Variants in AKR1B1 observed in about 807,000 individuals in gnomAD.
AKR1B1 encodes the protein aldo-keto reductase family 1 member B1.
AKR1B1 carries 22 observed loss-of-function variants against 40.4 expected under a neutral mutation model. The ratio of observed to expected loss-of-function variants is 0.54; its 90% CI spans 0.39 to 0.78. The LOEUF is 0.78. Among genes scored for constraint, AKR1B1 ranks in the 30% least tolerant of loss-of-function variants. The pLI is 0.00. For missense variants in AKR1B1, 357 were observed against 396.7 expected (o/e 0.90, Z 0.85); for synonymous variants, 157 against 149.9 (o/e 1.05, Z -0.35).
At chr7:134,453,212 A>C (rs1401741208) in intron 1 of AKR1B1, among the ~76,000 whole-genome samples, 1 of 152,084 alleles carries the variant, frequency 6.6e-6, no homozygotes, top group Non-Finnish European at 1.5e-5. Context: ...TGGCGCCTTG[A>C]TTGATTTTTC....
intron 9 of AKR1B1, 60 bp downstream of exon 9, chr7:134,445,178 C>T: frequency 6.9e-7 from 1 of 1,446,880 alleles, no homozygotes; most frequent in Non-Finnish European, 9.6e-7. Flanking sequence ...GGATCACTCT[C>T]TTGCTGTGCA....
intron 1 of AKR1B1, among the ~76,000 whole-genome samples, chr7:134,457,316 A>C (rs17188118): frequency 0.066 from 10,002 of 152,250 alleles, 460 homozygotes; most frequent in Non-Finnish European, 0.11. Context: ...TTCCAGTTAC[A>C]TGTATATATC....
At chr7:134,453,142 G>T (rs1806343266) in intron 1 of AKR1B1, among the ~76,000 whole-genome samples, 1 of 152,160 alleles carries the variant, frequency 6.6e-6, no homozygotes. Flanking sequence ...ACCCCAGAAA[G>T]AACAACTGGG....
At chr7:134,448,575 T>A in intron 5 of AKR1B1, 82 bp from the exon 6 acceptor site, 4 of 1,050,098 alleles carry the variant, frequency 3.8e-6, no homozygotes, top group Non-Finnish European at 5.9e-6. Context: ...TATGCTAAAG[T>A]CCCTCCCTAC....
intron 1 of AKR1B1, among the ~76,000 whole-genome samples, chr7:134,456,194 GGTTTTTTTGTTTGGTT>G (rs1806466041): frequency 6.6e-6 from 1 of 152,066 alleles, no homozygotes; most frequent in Non-Finnish European, 1.5e-5. Flanking sequence ...ACAAGGGAAA[GGTTTTTTTGTTTGGTT>G]GTTTTTTTAG....
chr7:134,451,479 C>T, intron 2 of AKR1B1, 107 bp downstream of exon 2: 1 of 1,371,894 alleles, frequency 7.3e-7, no homozygotes, highest in Non-Finnish European at 1.0e-6. Flanking sequence ...GAAGAATCGC[C>T]CATCAGTGAA....
At chr7:134,457,135 CA>C (rs11417418) in intron 1 of AKR1B1, among the ~76,000 whole-genome samples, 8,248 of 137,892 alleles carry the variant, frequency 0.06, 288 homozygotes, top group Middle Eastern at 0.1. Context: ...GCCCCTGTCT[CA>C]AAAAAAAAAA....
At position 134,443,517 on chromosome 7, in the gene AKR1B1, G is replaced by A. The variant is rs576446764; in HGVS notation, c.909-747C>T. 2.1e-4 allele frequency among the ~76,000 whole-genome samples: 32 copies of A among 152,248 alleles called. No individual in the cohort carries two copies. The South Asian group carries it at 5.4e-3, about 26-fold the overall frequency. On this transcript the variant is annotated intron_variant, in intron 9 of 9. Coordinates refer to ENST00000285930, the MANE Select transcript of AKR1B1 (RefSeq NM_001628.4). The stretch of plus-strand genomic sequence containing the variant: ...ACAGAGGGAGCCTCCTTGTATCAGT[G>A]GGGGCTGAAGTGAGCCCAATCAACG...
intron 1 of AKR1B1, 119 bp from the exon 2 acceptor site, chr7:134,451,872 C>A: frequency 1.8e-6 from 2 of 1,088,498 alleles, no homozygotes; most frequent in Non-Finnish European, 2.7e-6. Flanking sequence ...CAAAGACAGA[C>A]CACGTGCACT....
In AKR1B1 at chr7:134,458,068, T is replaced by C. The variant is rs952299295; in HGVS notation, c.66+929A>G. 3.0e-4 allele frequency among the ~76,000 whole-genome samples: 46 copies of C among 152,240 alleles called. 1 individual carries two copies. Among genetic ancestry groups the C allele is most frequent in the Admixed American group, 3.0e-3 (46 of 15,286 alleles). ...GGCTGTGGAATATAATATGCAATAC[T>C]TAGAAGGTTAAAAATTCTAGGTTTT... is the stretch of plus-strand genomic sequence containing the variant. On this transcript the variant is annotated intron_variant, in intron 1 of 9. Transcript: ENST00000285930.
intron 1 of AKR1B1, 45 bp from the exon 2 acceptor site, chr7:134,451,798 A>G (rs915804648): frequency 1.2e-6 from 2 of 1,600,204 alleles, no homozygotes; most frequent in Non-Finnish European, 1.7e-6. Flanking sequence ...CAGAGTCTGC[A>G]CAGCAAGGAG....
At position 134,447,342 on chromosome 7, in the gene AKR1B1, TCAC is replaced by T; in HGVS notation, c.778_780del (p.Val260del). On this transcript the variant is annotated inframe_deletion, in exon 8 of 10. Coordinates refer to ENST00000285930, the MANE Select transcript of AKR1B1 (RefSeq NM_001628.4). ...CGTTCTGGTGTCACAGACTTGGGGATCACCACCAAGTTCCTCTGCATGGGGAAC... is the reference window on the plus strand; with the variant it reads ...CGTTCTGGTGTCACAGACTTGGGGATCACCAAGTTCCTCTGCATGGGGAAC... 1 of 1,614,072 alleles carries T rather than the reference TCAC, an allele frequency of 6.2e-7. No homozygotes were observed. Among genetic ancestry groups the T allele is most frequent in the East Asian group, 2.2e-5 (1 of 44,866 alleles).
rs190086972 is a variant in AKR1B1, at chr7:134,454,341, G to A, written c.67-2588C>T. Among the ~76,000 whole-genome samples the A allele has an allele frequency of 1.6e-3, 236 of 152,252 alleles. 1 individual carries two copies. Among genetic ancestry groups the A allele is most frequent in the African/African-American group, 5.1e-3 (213 of 41,550 alleles). On this transcript the variant is annotated intron_variant, in intron 1 of 9. Coordinates refer to ENST00000285930, the MANE Select transcript of AKR1B1 (RefSeq NM_001628.4). ...CCTCCACCACCTCCTTCAAGACAGC[G>A]GTCCTAGTTCCTCCTTTGATAACAC...
intron 2 of AKR1B1, chr7:134,451,293 G>GA: frequency 1.9e-6 from 1 of 538,152 alleles, no homozygotes; most frequent in Non-Finnish European, 3.4e-6. Flanking sequence ...TTGCAGATGG[G>GA]AACCAAGTTC....
chr7:134,458,730 G>A (rs757762652), intron 1 of AKR1B1, among the ~76,000 whole-genome samples: 1 of 152,138 alleles, frequency 6.6e-6, no homozygotes, highest in Non-Finnish European at 1.5e-5. Context: ...GGTTGCCCGC[G>A]GTAGGGCGGG....
chr7:134,444,858 C>A, intron 9 of AKR1B1: 1 of 344,608 alleles, frequency 2.9e-6, no homozygotes, highest in Non-Finnish European at 5.6e-6. Context: ...CCGACCAAAC[C>A]CCTTTCATTA....
upstream of AKR1B1, chr7:134,459,108 G>A (rs374000278): frequency 7.6e-6 from 12 of 1,572,482 alleles, no homozygotes; most frequent in African/African-American, 1.1e-4. Context: ...TGCGGCCTTG[G>A]CCGCGGCGCG....
chr7:134,447,891 C>T (rs747340727), intron 7 of AKR1B1, 89 bp downstream of exon 7: 1 of 1,150,906 alleles, frequency 8.7e-7, no homozygotes, highest in Non-Finnish European at 1.3e-6. Flanking sequence ...GAGGGTGTAA[C>T]AGGCTCAGTC....
chr7:134,459,180 G>A, upstream of AKR1B1: 1 of 1,292,352 alleles, frequency 7.7e-7, no homozygotes, highest in Non-Finnish European at 1.1e-6. Context: ...GCCGCTGCGC[G>A]AAGGAGCCTT....
Sources: gnomAD v4.1 joint callset for allele counts (sites outside exome capture counted in the v4.1 genomes callset) on GRCh38, gnomAD v4.1.1 for gene constraint, MANE v1.5 for transcripts, NCBI Gene and HGNC (gene_info 2026-07-23, HGNC 2026-07-21) for gene names.